COL18A1: variants seen among roughly 807,000 people sequenced by gnomAD.
The protein encoded by COL18A1 is collagen type XVIII alpha 1 chain, also known as collagen alpha-1(XVIII) chain.
In COL18A1, 133 loss-of-function variants were observed where a neutral mutation model predicts 168.0. The observed-to-expected ratio is 0.79, with a 90% CI of 0.69 to 0.91. COL18A1 has a LOEUF of 0.91. Ranked by LOEUF, COL18A1 falls within the 40% of genes least tolerant of loss-of-function variation. COL18A1 has a pLI of 0.00. For synonymous variants in COL18A1, 949 were observed against 809.0 expected (o/e 1.17, Z -2.94); for missense variants, 2,126 against 1,925.4 (o/e 1.10, Z -1.95).
Position 45,480,802 on chromosome 21 carries a change from G to A in COL18A1, c.1555G>A (p.Ala519Thr), listed in dbSNP as rs61737706. ...GVNSSDVPGP[A>T]GLPGVPGREG... ...GAACAGCTCCGACGTCCCAGGACCC[G>A]CCGGCCTTCCTGGTGTGCCTGGGCG... The change falls in exon 13 of 42, where the codon GCC (alanine) becomes ACC (threonine). Residue 519 changes from alanine to threonine, a missense_variant. Ala to Thr is a moderately conservative substitution (Grantham distance 58). Coordinates refer to ENST00000651438, the MANE Select transcript of COL18A1 (RefSeq NM_001379500.1). 62 of 1,611,516 alleles carry A rather than the reference G, an allele frequency of 3.8e-5. No homozygotes were observed. The highest frequency in any genetic ancestry group is 2.0e-4 in the Admixed American group (12 of 59,948).
In COL18A1 at chr21:45,492,538, T is replaced by G. The variant is rs774425124; in HGVS notation, c.2161T>G (p.Ser721Ala). 9 of 1,613,358 alleles carry G rather than the reference T, an allele frequency of 5.6e-6. No individual in the cohort carries two copies. Among genetic ancestry groups the G allele is most frequent in the Non-Finnish European group, 7.6e-6 (9 of 1,180,026 alleles). ...PVVYVSEQDG[S>A]VLSVPGPEGR... ...TTTTCCTTTTGCTCGTGGACAGGGATCCGTCCTGAGCGTGCCGGGACCTGA... is the reference window on the plus strand; with the variant it reads ...TTTTCCTTTTGCTCGTGGACAGGGAGCCGTCCTGAGCGTGCCGGGACCTGA... The change falls in exon 23 of 42, where the codon TCC (serine) becomes GCC (alanine). Residue 721 changes from serine to alanine, a missense_variant. By Grantham distance (99) the Ser-to-Ala change is moderately conservative. Coordinates refer to ENST00000651438, the MANE Select transcript of COL18A1 (RefSeq NM_001379500.1).
rs746225745 is a variant in COL18A1, at chr21:45,492,726, G to T, written c.2214+13G>T. On this transcript the variant is annotated intron_variant, in intron 24 of 41. Transcript: ENST00000651438. ...CGCAGGCTTTCCCGTGAGTAACCTG[G>T]TGCCAGAGCTGCATGCTGCCCGGCT... 4 of 1,430,486 alleles carry T rather than the reference G, an allele frequency of 2.8e-6. No homozygotes were observed. In the South Asian group the frequency reaches 3.5e-5, roughly 12 times the overall value. 88.6% of individuals were successfully genotyped at this position (1,430,486 alleles called of 1,614,324 possible). A position where few individuals can be genotyped will look rare whatever the true frequency, so the allele number is the denominator to read the frequency against.
At chr21:45,411,370 G>A (rs1219378918) in intron 2 of COL18A1, among the ~76,000 whole-genome samples, 1 of 152,120 alleles carries the variant, frequency 6.6e-6, no homozygotes, top group Non-Finnish European at 1.5e-5. Context: ...CGAGGCCCCC[G>A]CCAGCTGCTT....
chr21:45,509,651 C>G, intron 39 of COL18A1, 50 bp downstream of exon 39: 4 of 995,322 alleles, frequency 4.0e-6, no homozygotes, highest in Non-Finnish European at 6.1e-6. Flanking sequence ...CCTCGGCTCT[C>G]GGCAGCAGAA....
intron 24 of COL18A1, 90 bp from the exon 25 acceptor site, chr21:45,493,073 C>T (rs933147414): frequency 1.8e-5 from 24 of 1,318,246 alleles, no homozygotes; most frequent in East Asian, 5.0e-5. Flanking sequence ...AGGCATATTG[C>T]GGGGGGCAGC....
chr21:45,487,638 C>A, intron 17 of COL18A1, 129 bp downstream of exon 17: 1 of 1,221,080 alleles, frequency 8.2e-7, no homozygotes, highest in Non-Finnish European at 1.2e-6. Context: ...GTGAGGACCA[C>A]GTGTGGCGGG....
chr21:45,501,377 C>T (rs1032552419), intron 32 of COL18A1, among the ~76,000 whole-genome samples: 3 of 152,102 alleles, frequency 2.0e-5, no homozygotes, highest in South Asian at 2.1e-4. Flanking sequence ...CTCCAGGCCA[C>T]GTCCCCAGCA....
chr21:45,426,878 G>T (rs377713844), intron 2 of COL18A1, among the ~76,000 whole-genome samples: 3 of 152,342 alleles, frequency 2.0e-5, no homozygotes, highest in East Asian at 3.9e-4. Context: ...TCCCCGCGGT[G>T]GAAGGAGCTG....
chr21:45,455,667 C>G lies in COL18A1; in HGVS notation c.107-12575C>G, dbSNP rs2034774919. On this transcript the variant is annotated intron_variant, in intron 2 of 41. Coordinates refer to ENST00000651438, the MANE Select transcript of COL18A1 (RefSeq NM_001379500.1). ...ACCAGCCATGCAGCTACCACGATCC[C>G]TGAGCCCCAGGGGCCCCTGCCTGTG... 1 of 1,613,740 alleles carries G rather than the reference C, an allele frequency of 6.2e-7. No homozygotes were observed. The highest frequency in any genetic ancestry group is 1.7e-5 in the Admixed American group (1 of 59,958).
At position 45,497,085 on chromosome 21, in the gene COL18A1, A is replaced by T. The variant is rs1003945022; in HGVS notation, c.2613A>T (p.Gly871=). 4.4e-6 allele frequency: 7 copies of T among 1,591,246 alleles called. No homozygotes were observed. The highest frequency in any genetic ancestry group is 1.7e-4 in the Middle Eastern group (1 of 5,978). The change falls in exon 31 of 42, where the codon GGA becomes GGT. Residue 871 remains glycine, a synonymous_variant. Coordinates refer to ENST00000651438, the MANE Select transcript of COL18A1 (RefSeq NM_001379500.1). Reference sequence around the variant, plus strand: ...AGTCCAGCCGCCCCGGGCCTCCAGGATTGCCAGGTGAGGGTCCTGGGCTCA... The same window carrying T: ...AGTCCAGCCGCCCCGGGCCTCCAGGTTTGCCAGGTGAGGGTCCTGGGCTCA... ...FAESSRPGPP[G]LPGNQGPPGP... is the part of the protein sequence containing the mutation.
At chr21:45,428,947 G>A (rs1374740449) in intron 2 of COL18A1, among the ~76,000 whole-genome samples, 2 of 150,692 alleles carry the variant, frequency 1.3e-5, no homozygotes, top group African/African-American at 4.9e-5. Flanking sequence ...TCTGTTTTCA[G>A]GCTGGAGTGC....
rs2033692454 is a variant in COL18A1, at chr21:45,423,537, T to C, written c.106+18064T>C. ...GGCCCGGCTCCAAGGGTCATATGAG[T>C]GGATCTGGAGGTCGGCCTCTCTTGA... On this transcript the variant is annotated intron_variant, in intron 2 of 41. Transcript: ENST00000651438. The surrounding 1 kb of genome is among the most constrained non-coding windows in gnomAD (Gnocchi z 4.0). 7.5e-6 allele frequency among the ~76,000 whole-genome samples: 1 copy of C among 132,964 alleles called. No individual in the cohort carries two copies. Among genetic ancestry groups the C allele is most frequent in the African/African-American group, 2.7e-5 (1 of 37,116 alleles). The allele number at this position is 132,964 out of a possible 152,430, so 87.2% of individuals were successfully genotyped here.
In COL18A1 at chr21:45,421,340, C is replaced by T. The variant is rs758924126; in HGVS notation, c.106+15867C>T. The T allele has an allele frequency of 1.6e-5, 8 of 508,496 alleles. No homozygotes were observed. The Admixed American group carries it at 1.6e-4, about 10-fold the overall frequency. 31.5% of individuals were successfully genotyped at this position (508,496 alleles called of 1,614,324 possible). A position where few individuals can be genotyped will look rare whatever the true frequency, so the allele number is the denominator to read the frequency against. On this transcript the variant is annotated intron_variant, in intron 2 of 41. Coordinates refer to ENST00000651438, the MANE Select transcript of COL18A1 (RefSeq NM_001379500.1). Reference sequence around the variant, plus strand: ...GTCACGCTTGCACGGGGCAGAGACTCCCAGAACCACAGGCCTCAGGAGAGC... The same window carrying T: ...GTCACGCTTGCACGGGGCAGAGACTTCCAGAACCACAGGCCTCAGGAGAGC...
intron 3 of COL18A1, among the ~76,000 whole-genome samples, chr21:45,470,425 C>CTTTTTTTTTTTTTTTTTTTTTTTTTTT (rs1195744330): frequency 5.4e-5 from 2 of 37,114 alleles, no homozygotes; most frequent in African/African-American, 2.2e-4. Context: ...TTTACCTTGT[C>CTTTTTTTTTTTTTTTTTTTTTTTTTTT]TTTTTTTTTT....
At position 45,495,523 on chromosome 21, in the gene COL18A1, A is replaced by G. The variant is rs116658356; in HGVS notation, c.2508+91A>G. The G allele has an allele frequency of 2.6e-3, 2,854 of 1,115,748 alleles. 47 individuals carry two copies. The African/African-American group carries it at 0.039, about 15-fold the overall frequency. 69.1% of individuals were successfully genotyped at this position (1,115,748 alleles called of 1,614,324 possible). On this transcript the variant is annotated intron_variant, in intron 29 of 41. Coordinates refer to ENST00000651438, the MANE Select transcript of COL18A1 (RefSeq NM_001379500.1). ...AGCCTGGGGTCCTGCAGCTCCTCCC[A>G]GAGGCCACTTATAAGCAGCCCTGCC...
intron 3 of COL18A1, among the ~76,000 whole-genome samples, chr21:45,470,320 A>C (rs748702135): frequency 6.0e-5 from 9 of 149,534 alleles, no homozygotes; most frequent in Non-Finnish European, 8.9e-5. Flanking sequence ...AATGGGCCCA[A>C]CTCTCAGTGA....
chr21:45,509,386 G>A lies in COL18A1; in HGVS notation c.3280G>A (p.Val1094Met), dbSNP rs746062916. The change falls in exon 39 of 42, where the codon GTG (valine) becomes ATG (methionine). Residue 1094 changes from valine to methionine, a missense_variant. Transcript: ENST00000651438. ...TGAAGTGGCCGCCTTGCAGCCCCCC[G>A]TGGTGCAGCTGCACGACAGCAACCC... is the stretch of plus-strand genomic sequence containing the variant. ...DNEVAALQPP[V>M]VQLHDSNPYP... The A allele has an allele frequency of 1.1e-4, 175 of 1,541,420 alleles. 2 individuals are homozygous for A. In the South Asian group the frequency reaches 1.6e-3, roughly 14 times the overall value.
Position 45,486,964 on chromosome 21 carries a change from C to T in COL18A1, c.1805C>T (p.Pro602Leu). ...CCAGGCCCCCCTGGGCCCCCTGGGC[C>T]CCCAGGACCAGGACTCCCCGCTGGA... ...GPPGPPGPPG[P>L]PGPGLPAGFD... The change falls in exon 16 of 42, where the codon CCC becomes CTC. Residue 602 changes from proline to leucine, a missense_variant. By Grantham distance (98) the Pro-to-Leu change is moderately conservative. Coordinates refer to ENST00000651438, the MANE Select transcript of COL18A1 (RefSeq NM_001379500.1). 6.6e-7 allele frequency: 1 copy of T among 1,508,902 alleles called. No homozygotes were observed. The allele number at this position is 1,508,902 out of a possible 1,614,324, so 93.5% of individuals were successfully genotyped here.
At chr21:45,503,103 G>A (rs907033548) in intron 32 of COL18A1, 1 of 152,188 alleles carries the variant, frequency 6.6e-6, no homozygotes, top group Admixed American at 6.5e-5. Context: ...GGATGGCTGG[G>A]TCAAATGGTA....
Sources: allele counts gnomAD v4.1 joint callset (sites outside exome capture counted in the v4.1 genomes callset), GRCh38; gene constraint gnomAD v4.1.1; non-coding constraint Gnocchi (gnomAD v3.1); transcripts MANE v1.5; gene names NCBI Gene and HGNC (gene_info 2026-07-23, HGNC 2026-07-21).